The following VPS13B variants were observed in gnomAD, a reference collection of about 807,000 sequenced individuals.
The protein encoded by VPS13B is intermembrane lipid transfer protein VPS13B.
A neutral mutation model predicts 426.4 loss-of-function variants in VPS13B; 285 were observed. That is an observed-to-expected ratio of 0.67 (90% CI 0.61 to 0.74). The LOEUF is 0.74. VPS13B is among the 30% of genes least tolerant of loss of function. VPS13B has a pLI of 0.00. For missense variants in VPS13B, 4,537 were observed against 4,782.6 expected, an observed-to-expected ratio of 0.95 and a Z score of 1.51; for synonymous variants, 1,676 against 1,676.4, an observed-to-expected ratio of 1.00 and a Z score of 0.01.
chr8:99,507,471 T>C (rs148776100), intron 28 of VPS13B, among the ~76,000 whole-genome samples: 22 of 152,360 alleles, frequency 1.4e-4, no homozygotes, highest in Non-Finnish European at 2.4e-4. Flanking sequence ...TTATCTTTAA[T>C]GTACTATTGT....
intron 22 of VPS13B, among the ~76,000 whole-genome samples, chr8:99,438,890 T>A (rs1254282765): frequency 1.3e-5 from 2 of 152,164 alleles, no homozygotes; most frequent in African/African-American, 4.8e-5. Context: ...GTTTTATAAA[T>A]CTATGAGGCT....
intron 39 of VPS13B, among the ~76,000 whole-genome samples, chr8:99,743,088 G>A (rs1322342791): frequency 6.6e-6 from 1 of 152,182 alleles, no homozygotes; most frequent in East Asian, 1.9e-4. Flanking sequence ...CATTATCTCA[G>A]CCCAAAATCT....
chr8:99,140,413 G>A (rs1303929976), intron 12 of VPS13B, among the ~76,000 whole-genome samples: 1 of 149,606 alleles, frequency 6.7e-6, no homozygotes, highest in Non-Finnish European at 1.5e-5. Flanking sequence ...AGTAATAAAG[G>A]AAGCTTCTAT....
chr8:99,819,292 G>A, intron 47 of VPS13B, 120 bp from the exon 48 acceptor site: 1 of 1,179,252 alleles, frequency 8.5e-7, no homozygotes, highest in Non-Finnish European at 1.2e-6. Context: ...CCCATAAATG[G>A]ACTCTATCTA....
rs530146207 is a variant in VPS13B at position 99,721,718 on chromosome 8, T to C, written c.7050+671T>C. ...CAACCATCCACTCAAAATCTACAGG[T>C]CATTCCTGATTGCCTTCTTTCCCTA... On this transcript the variant is annotated intron_variant, in intron 39 of 61. Transcript: ENST00000357162. 1.7e-3 allele frequency among the ~76,000 whole-genome samples: 263 copies of C among 152,172 alleles called. 1 individual carries two copies. The highest frequency in any genetic ancestry group is 6.8e-3 in the Middle Eastern group (2 of 294).
At chr8:99,536,885 AG>A (rs1347492735) in intron 30 of VPS13B, 1 of 469,222 alleles carries the variant, frequency 2.1e-6, no homozygotes, top group Non-Finnish European at 4.4e-6. Context: ...TCCAAAAACT[AG>A]GGAAAAAAAG....
rs1037803923 is a variant in VPS13B at position 99,717,255 on chromosome 8, T to C, written c.6539T>C (p.Ile2180Thr). The C allele has an allele frequency of 2.5e-5, 40 of 1,613,982 alleles. No individual in the cohort carries two copies. Among genetic ancestry groups the C allele is most frequent in the Non-Finnish European group, 3.1e-5 (37 of 1,179,984 alleles). ...TSLKERSRIL[I>T]GPCCATANLE... ...CTCAAAGAAAGAAGCCGCATTCTGA[T>C]AGGACCATGTTGTGCTACTGCCAAT... is the stretch of plus-strand genomic sequence containing the variant. The change falls in exon 37 of 62, where the codon ATA (isoleucine) becomes ACA (threonine). Residue 2180 changes from isoleucine (I) to threonine (T), a missense_variant. Ile to Thr is a moderately conservative substitution (Grantham distance 89). Around this residue, in one of 2 missense-constraint regions of VPS13B, gnomAD observed 4,311 missense variants for 4,474.3 expected, o/e 0.96. Transcript: ENST00000357162.
chr8:99,096,919 G>A (rs1042523099), intron 4 of VPS13B, among the ~76,000 whole-genome samples: 3 of 152,096 alleles, frequency 2.0e-5, no homozygotes, highest in African/African-American at 7.2e-5. Context: ...CAAGCCCAAG[G>A]TACTTTTATC....
intron 19 of VPS13B, among the ~76,000 whole-genome samples, chr8:99,338,297 A>G (rs1445328736): frequency 6.6e-6 from 1 of 152,138 alleles, no homozygotes; most frequent in Non-Finnish European, 1.5e-5. Flanking sequence ...CAAAATGGAC[A>G]TTTTGACAAT....
intron 23 of VPS13B, among the ~76,000 whole-genome samples, chr8:99,443,987 GC>G: frequency 6.7e-6 from 1 of 150,216 alleles, no homozygotes; most frequent in Middle Eastern, 3.4e-3. Flanking sequence ...GTTATTATCC[GC>G]TTTGTTTCTT....
At chr8:99,518,762 T>C (rs2133660667) in intron 29 of VPS13B, among the ~76,000 whole-genome samples, 1 of 152,292 alleles carries the variant, frequency 6.6e-6, no homozygotes, top group South Asian at 2.1e-4. Flanking sequence ...ATACTGAATA[T>C]ACTGAAAACA....
At chr8:99,300,588 T>G (rs1224930213) in intron 19 of VPS13B, among the ~76,000 whole-genome samples, 3 of 152,192 alleles carry the variant, frequency 2.0e-5, no homozygotes, top group Admixed American at 1.3e-4. Context: ...TCCACGTCCT[T>G]ACTTGTTTAT....
chr8:99,714,911 G>A (rs1159483630), intron 36 of VPS13B, among the ~76,000 whole-genome samples: 2 of 151,948 alleles, frequency 1.3e-5, no homozygotes, highest in Admixed American at 6.6e-5. Context: ...GGAAATTAGT[G>A]GGAAAAATGG....
chr8:99,386,408 A>G (rs1638402240), intron 20 of VPS13B, among the ~76,000 whole-genome samples: 1 of 152,150 alleles, frequency 6.6e-6, no homozygotes, highest in Non-Finnish European at 1.5e-5. Flanking sequence ...ACTTATACAA[A>G]CCTAGATGGT....
intron 19 of VPS13B, among the ~76,000 whole-genome samples, chr8:99,382,553 C>T (rs926847571): frequency 6.6e-6 from 1 of 152,110 alleles, no homozygotes; most frequent in Non-Finnish European, 1.5e-5. Flanking sequence ...TAACTGTCTT[C>T]CTAAGAATTT....
intron 35 of VPS13B, among the ~76,000 whole-genome samples, chr8:99,689,791 G>C (rs1027418936): frequency 6.6e-6 from 1 of 152,218 alleles, no homozygotes. Flanking sequence ...TGGATGCTTT[G>C]CCAGTCTGCA....
At chr8:99,806,840 T>C (rs1035501821) in intron 43 of VPS13B, among the ~76,000 whole-genome samples, 5 of 152,232 alleles carry the variant, frequency 3.3e-5, no homozygotes, top group Admixed American at 6.5e-5. Context: ...GCTAGGTGTC[T>C]GTGCATATCT....
chr8:99,487,671 G>A (rs1340488579), intron 25 of VPS13B, among the ~76,000 whole-genome samples: 2 of 151,950 alleles, frequency 1.3e-5, no homozygotes, highest in Non-Finnish European at 2.9e-5. Context: ...CCTATTCTAG[G>A]TACTTCATAT....
At chr8:99,516,185 A>G (rs574823992) in intron 29 of VPS13B, among the ~76,000 whole-genome samples, 3 of 152,322 alleles carry the variant, frequency 2.0e-5, no homozygotes, top group Admixed American at 1.3e-4. Flanking sequence ...CTTAATTTAA[A>G]TAATCATAAT....
Sources: allele counts gnomAD v4.1 joint callset (sites outside exome capture counted in the v4.1 genomes callset), GRCh38; gene constraint gnomAD v4.1.1; regional missense constraint gnomAD v4.1.1; transcripts MANE v1.5; gene names NCBI Gene and HGNC (gene_info 2026-07-23, HGNC 2026-07-21).